Variants in CBARP observed in about 807,000 individuals in gnomAD.
CBARP encodes voltage-dependent calcium channel beta subunit-associated regulatory protein.
In CBARP, 24 loss-of-function variants were observed where a neutral mutation model predicts 36.3. The ratio of observed to expected loss-of-function variants is 0.66; its 90% confidence interval spans 0.48 to 0.93. The LOEUF is 0.93. Ranked by LOEUF, CBARP falls within the 40% of genes least tolerant of loss-of-function variation. CBARP has a pLI of 0.00. For synonymous variants in CBARP, 586 were observed against 453.2 expected (o/e 1.29, Z -3.72); for missense variants, 1,146 against 980.4 (o/e 1.17, Z -2.26).
At chr19:1,230,235 G>C in intron 9 of CBARP, 93 bp from the exon 10 acceptor site, 3 of 993,996 alleles carry the variant, frequency 3.0e-6, no homozygotes, top group Non-Finnish European at 3.6e-6. Context: ...GGGTGGACGC[G>C]GGTGGGACTT....
At position 1,229,428 on chromosome 19, in the gene CBARP, G is replaced by A. The variant is rs1283948154; in HGVS notation, c.1869C>T (p.Asp623=). The change falls in exon 10 of 10, where the codon GAC becomes GAT. Residue 623 remains aspartate, a synonymous_variant. Coordinates refer to ENST00000650044, the MANE Select transcript of CBARP (RefSeq NM_001393918.1). The surrounding 1 kb of genome is among the most constrained non-coding windows in gnomAD (Gnocchi z 5.1). ...RAPLRRGDSV[D]GPPDGRTLGG... ...CCAGGGTGCGACCGTCGGGCGGGCC[G>A]TCCACGCTGTCGCCGCGCCGCAAGG... is the stretch of plus-strand genomic sequence containing the variant. The A allele has an allele frequency of 1.1e-5, 11 of 995,134 alleles. No individual in the cohort carries two copies. Among genetic ancestry groups the A allele is most frequent in the South Asian group, 3.7e-5 (1 of 26,686 alleles). 61.6% of individuals were successfully genotyped at this position (995,134 alleles called of 1,614,324 possible).
intron 9 of CBARP, 91 bp downstream of exon 9, chr19:1,231,010 T>C: frequency 6.5e-7 from 1 of 1,547,808 alleles, no homozygotes; most frequent in African/African-American, 1.4e-5. Context: ...CCACGGGGCC[T>C]GGAGAGCGCT....
intron 4 of CBARP, 63 bp from the exon 5 acceptor site, chr19:1,235,208 A>C: frequency 7.1e-7 from 1 of 1,404,544 alleles, no homozygotes; most frequent in African/African-American, 1.5e-5. Context: ...TGGTCCCGGG[A>C]GGGCTGCTCC....
At position 1,234,252 on chromosome 19, in the gene CBARP, C is replaced by T. The variant is rs1199793429; in HGVS notation, c.707G>A (p.Gly236Asp). ...LPGDPYNSAA[G>D]ATDFAEISPS... is the part of the protein sequence containing the mutation. ...GCTGATCTCTGCGAAGTCAGTGGCG[C>T]CCGCGGCTGAGTTGTAGGGGTCACC... Residue 236 changes from glycine to aspartate, a missense_variant, in exon 7 of 10, where the codon GGC (glycine) becomes GAC (aspartate). Coordinates refer to ENST00000650044, the MANE Select transcript of CBARP (RefSeq NM_001393918.1). 36 of 1,481,062 alleles carry T rather than the reference C, an allele frequency of 2.4e-5. No individual in the cohort carries two copies. Among genetic ancestry groups the T allele is most frequent in the Non-Finnish European group, 3.0e-5 (34 of 1,117,024 alleles). 91.7% of individuals were successfully genotyped at this position (1,481,062 alleles called of 1,614,324 possible). A position where few individuals can be genotyped will look rare whatever the true frequency, so the allele number is the denominator to read the frequency against.
Position 1,230,184 on chromosome 19 carries a change from C to CCGA in CBARP, c.1155-43_1155-42insTCG, listed in dbSNP as rs1568728754. On this transcript the variant is annotated intron_variant, in intron 9 of 9. Transcript: ENST00000650044. ...GCCGTCAGAGCCCCGCCGAGCCCCG[C>CCGA]GCCCCCTACCCGGCCGGCCATCCCG... is the stretch of plus-strand genomic sequence containing the variant. The CCGA allele has an allele frequency of 8.0e-6, 8 of 996,468 alleles. No individual in the cohort carries two copies. The South Asian group carries it at 2.9e-4, about 36-fold the overall frequency. 61.7% of individuals were successfully genotyped at this position (996,468 alleles called of 1,614,324 possible). A position where few individuals can be genotyped will look rare whatever the true frequency, so the allele number is the denominator to read the frequency against.
intron 8 of CBARP, 112 bp from the exon 9 acceptor site, chr19:1,231,387 C>CT (rs2080890728): frequency 7.2e-7 from 1 of 1,391,058 alleles, no homozygotes; most frequent in Non-Finnish European, 9.5e-7. Context: ...TGTGCCCCCC[C>CT]GCCACACACA....
In CBARP at chr19:1,229,965, A is replaced by T. The variant is rs1393288327; in HGVS notation, c.1332T>A (p.Leu444=). The T allele has an allele frequency of 8.2e-7, 1 of 1,212,690 alleles. No individual in the cohort carries two copies. 75.1% of individuals were successfully genotyped at this position (1,212,690 alleles called of 1,614,324 possible). Residue 444 remains leucine, a synonymous_variant, in exon 10 of 10, where the codon CTT becomes CTA. Coordinates refer to ENST00000650044, the MANE Select transcript of CBARP (RefSeq NM_001393918.1). This position sits in a 1 kb window ranked among gnomAD's most constrained non-coding sequence, Gnocchi z 5.1. The stretch of plus-strand genomic sequence containing the variant: ...GGTCCGAGGCGGCCGCATGCAGCTC[A>T]AGCGAGGCGCGCAGGCTCCACAGGT... ...YRDLWSLRAS[L]ELHAAASDHS... is the part of the protein sequence containing the mutation.
Position 1,229,950 on chromosome 19 carries a change from G to T in CBARP, c.1347C>A (p.Ala449=). Residue 449 remains alanine, a synonymous_variant, in exon 10 of 10, where the codon GCC becomes GCA. Transcript: ENST00000650044. This position sits in a 1 kb window ranked among gnomAD's most constrained non-coding sequence, Gnocchi z 5.1. The stretch of plus-strand genomic sequence containing the variant: ...TGCCGCTGCTGCTGTGGTCCGAGGC[G>T]GCCGCATGCAGCTCAAGCGAGGCGC... ...SLRASLELHA[A]ASDHSSSGND... is the part of the protein sequence containing the mutation. 2 of 1,200,982 alleles carry T rather than the reference G, an allele frequency of 1.7e-6. No homozygotes were observed. 74.4% of individuals were successfully genotyped at this position (1,200,982 alleles called of 1,614,324 possible).
At chr19:1,235,250 CGCGGCACGG>C in intron 4 of CBARP, 105 bp from the exon 5 acceptor site, 1 of 1,279,846 alleles carries the variant, frequency 7.8e-7, no homozygotes, top group Non-Finnish European at 1.0e-6. Flanking sequence ...GGGCTGGGGC[CGCGGCACGG>C]GCGGCCGGGC....
rs923325698 is a variant in CBARP at position 1,230,085 on chromosome 19, G to A, written c.1212C>T (p.Gly404=). The change falls in exon 10 of 10, where the codon GGC becomes GGT. Residue 404 remains glycine, a synonymous_variant. Transcript: ENST00000650044. ...GCTGCTCAGGCCCCGCGCTGCCCGC[G>A]CCGCGCTCCGGGGGGGAATCGGGGC... is the stretch of plus-strand genomic sequence containing the variant. ...GASPDSPPER[G]AGSAGPEQQQ... 2.5e-5 allele frequency: 27 copies of A among 1,100,224 alleles called. No individual in the cohort carries two copies. In the East Asian group the frequency reaches 7.4e-4, roughly 30 times the overall value. 68.2% of individuals were successfully genotyped at this position (1,100,224 alleles called of 1,614,324 possible).
Position 1,235,009 on chromosome 19 carries a change from C to G in CBARP, c.447G>C (p.Lys149Asn). 3 of 1,606,748 alleles carry G rather than the reference C, an allele frequency of 1.9e-6. No individual in the cohort carries two copies. The highest frequency in any genetic ancestry group is 2.6e-6 in the Non-Finnish European group (3 of 1,176,044). Residue 149 changes from lysine to asparagine, a missense_variant, in exon 5 of 10, where the codon AAG becomes AAC. By Grantham distance (94) the Lys-to-Asn change is moderately conservative. Transcript: ENST00000650044. ...AACGCCGCCCCGCTTACCGGCGACCCTTGTCCTGCGTCTTGCGGCTCTGCT... is the reference window on the plus strand; with the variant it reads ...AACGCCGCCCCGCTTACCGGCGACCGTTGTCCTGCGTCTTGCGGCTCTGCT... ...LFEQSRKTQD[K>N]GRRYTLTEGD...
chr19:1,229,595 G>T lies in CBARP; in HGVS notation c.1702C>A (p.Arg568=). 1 of 1,192,564 alleles carries T rather than the reference G, an allele frequency of 8.4e-7. No individual in the cohort carries two copies. The allele number at this position is 1,192,564 out of a possible 1,614,324, so 73.9% of individuals were successfully genotyped here. A position where few individuals can be genotyped will look rare whatever the true frequency, so the allele number is the denominator to read the frequency against. ...TGCGGGTGCGCGCGGGCGCGGTGTC[G>T]CGCGGCAGCCGGCGTGTCGTCGAAG... ...PHFDDTPAAA[R]HRARAHPHAR... is the part of the protein sequence containing the mutation. The change falls in exon 10 of 10, where the codon CGA becomes AGA. Residue 568 remains arginine, a synonymous_variant. Transcript: ENST00000650044. The surrounding 1 kb of genome is among the most constrained non-coding windows in gnomAD (Gnocchi z 5.1).
chr19:1,234,832 G>A, intron 5 of CBARP, 90 bp from the exon 6 acceptor site: 2 of 1,529,452 alleles, frequency 1.3e-6, no homozygotes, highest in South Asian at 2.5e-5. Context: ...GCCGGCCTGG[G>A]CAGGGGCAGG....
rs1286659168 is a variant in CBARP at position 1,229,218 on chromosome 19, G to A, written c.2079C>T (p.Val693=). ...GGTCGGGGGACGTGGGGGCGGCGGC[G>A]ACCAACGCGGGAGTCGCCACGACGG... The part of the protein sequence containing the change: ...AEPVVATPAL[V]AAAPTSPDHS... The change falls in exon 10 of 10, where the codon GTC becomes GTT. Residue 693 remains valine (V), a synonymous_variant. Transcript: ENST00000650044. The surrounding 1 kb of genome is among the most constrained non-coding windows in gnomAD (Gnocchi z 5.1). 1 of 1,215,108 alleles carries A rather than the reference G, an allele frequency of 8.2e-7. No homozygotes were observed. Among genetic ancestry groups the A allele is most frequent in the Admixed American group, 3.0e-5 (1 of 33,332 alleles). The allele number at this position is 1,215,108 out of a possible 1,614,324, so 75.3% of individuals were successfully genotyped here.
chr19:1,232,212 C>T (rs961593252), intron 8 of CBARP, among the ~76,000 whole-genome samples: 3 of 152,114 alleles, frequency 2.0e-5, no homozygotes, highest in Non-Finnish European at 4.4e-5. Flanking sequence ...TCTCTAGTCA[C>T]CCCTGGGCCC....
At chr19:1,235,708 G>A (rs1439036760) in intron 3 of CBARP, 71 bp downstream of exon 3, 22 of 1,603,128 alleles carry the variant, frequency 1.4e-5, no homozygotes, top group Non-Finnish European at 1.7e-5. Context: ...AGCCAGTGAG[G>A]TAGACCCCCC....
At chr19:1,230,198 C>G in intron 9 of CBARP, 56 bp from the exon 10 acceptor site, 1 of 995,160 alleles carries the variant, frequency 1.0e-6, no homozygotes, top group Non-Finnish European at 1.2e-6. Context: ...CCCTACCCGG[C>G]CGGCCATCCC....
chr19:1,230,472 C>A (rs914640353), intron 9 of CBARP: 16 of 998,666 alleles, frequency 1.6e-5, no homozygotes, highest in African/African-American at 1.7e-5. Context: ...ACGTGGGAGC[C>A]GCAGGGGATG....
chr19:1,236,962 T>C (rs2080983678), intron 1 of CBARP, among the ~76,000 whole-genome samples: 1 of 151,254 alleles, frequency 6.6e-6, no homozygotes, highest in African/African-American at 2.4e-5. Context: ...CGCCTTACGC[T>C]CGGGGGAAAC....
Sources: gnomAD v4.1 joint callset for allele counts (sites outside exome capture counted in the v4.1 genomes callset) on GRCh38, gnomAD v4.1.1 for gene constraint, Gnocchi (gnomAD v3.1) non-coding constraint, MANE v1.5 for transcripts, NCBI Gene and HGNC (gene_info 2026-07-23, HGNC 2026-07-21) for gene names.